The following IQSEC1 variants were observed in gnomAD, a reference collection of about 807,000 sequenced individuals.
IQSEC1 encodes the protein IQ motif and SEC7 domain-containing protein 1.
In IQSEC1, 31 loss-of-function variants were observed where a neutral mutation model predicts 91.0. The observed-to-expected ratio is 0.34, with a 90% CI of 0.26 to 0.46. IQSEC1 has a LOEUF of 0.46. Among genes scored for constraint, IQSEC1 ranks in the 20% least tolerant of loss-of-function variants. The pLI is 1.00. For synonymous variants in IQSEC1, 699 were observed against 662.6 expected, an observed-to-expected ratio of 1.05 and a Z score of -0.84; for missense variants, 1,388 against 1,575.6, an observed-to-expected ratio of 0.88 and a Z score of 2.02.
intron 3 of IQSEC1, among the ~76,000 whole-genome samples, chr3:12,926,552 G>C (rs1697154643): frequency 6.6e-6 from 1 of 152,264 alleles, no homozygotes; most frequent in South Asian, 2.1e-4. Flanking sequence ...TCCATGAGGA[G>C]CCCAGTGTGG....
intron 1 of IQSEC1, among the ~76,000 whole-genome samples, chr3:13,030,492 C>A (rs1185042357): frequency 6.6e-6 from 1 of 152,162 alleles, no homozygotes; most frequent in Non-Finnish European, 1.5e-5. Flanking sequence ...AAAAATTGGA[C>A]CTGAGTCTAA....
intron 1 of IQSEC1, among the ~76,000 whole-genome samples, chr3:13,184,685 C>T (rs1290779893): frequency 1.3e-5 from 2 of 152,344 alleles, no homozygotes; most frequent in Middle Eastern, 3.4e-3. Context: ...ACAGGATTCT[C>T]TCAGTAAACA....
Position 12,908,919 on chromosome 3 carries a change from G to A in IQSEC1, c.2578+354C>T, listed in dbSNP as rs540444335. Among the ~76,000 whole-genome samples the A allele has an allele frequency of 3.9e-5, 6 of 152,260 alleles. No homozygotes were observed. In the South Asian group the frequency reaches 1.0e-3, roughly 26 times the overall value. On this transcript the variant is annotated intron_variant, in intron 11 of 13. Transcript: ENST00000613206. This position sits in a 1 kb window ranked among gnomAD's most constrained non-coding sequence, Gnocchi z 4.9. The stretch of plus-strand genomic sequence containing the variant: ...GCCAGGGAGTAGACCTGGAGCCAGG[G>A]ATGGCCTTGGCTGTGTGACCCATCA...
At chr3:12,927,368 C>T (rs925284915) in intron 3 of IQSEC1, among the ~76,000 whole-genome samples, 2 of 152,184 alleles carry the variant, frequency 1.3e-5, no homozygotes, top group Non-Finnish European at 2.9e-5. Flanking sequence ...CTAGGCTCCC[C>T]GACCCCTGCT....
intron 2 of IQSEC1, among the ~76,000 whole-genome samples, chr3:13,133,459 C>T (rs9310418): frequency 0.021 from 3,171 of 152,256 alleles, 91 homozygotes; most frequent in African/African-American, 0.068. Context: ...TGAGTTTCCA[C>T]GGAAATGTCA....
intron 2 of IQSEC1, among the ~76,000 whole-genome samples, chr3:13,080,306 A>G (rs1182625094): frequency 6.6e-6 from 1 of 152,002 alleles, no homozygotes; most frequent in Non-Finnish European, 1.5e-5. Context: ...GAGAGTGGGG[A>G]TGCAGAGAAC....
intron 1 of IQSEC1, among the ~76,000 whole-genome samples, chr3:13,229,080 G>A (rs1694803133): frequency 6.6e-6 from 1 of 152,112 alleles, no homozygotes; most frequent in South Asian, 2.1e-4. Context: ...GGCACCACTG[G>A]CATACACACA....
intron 1 of IQSEC1, among the ~76,000 whole-genome samples, chr3:13,180,854 C>A (rs999716666): frequency 1.3e-5 from 2 of 152,130 alleles, no homozygotes; most frequent in African/African-American, 4.8e-5. Flanking sequence ...CGAACACATT[C>A]GAACATCAGA....
At chr3:13,115,710 A>C (rs1353752605) in intron 2 of IQSEC1, among the ~76,000 whole-genome samples, 2 of 152,348 alleles carry the variant, frequency 1.3e-5, no homozygotes, top group African/African-American at 4.8e-5. Flanking sequence ...GGGCGCCTGA[A>C]GTGGGCACTC....
chr3:13,260,050 C>G (rs1301621612), intron 1 of IQSEC1, among the ~76,000 whole-genome samples: 5 of 152,232 alleles, frequency 3.3e-5, no homozygotes, highest in Non-Finnish European at 7.3e-5. Context: ...AGCTGGATCT[C>G]AGGAAGCAGC....
chr3:13,010,107 C>T (rs1046564429), intron 1 of IQSEC1, among the ~76,000 whole-genome samples: 6 of 152,156 alleles, frequency 3.9e-5, no homozygotes, highest in Admixed American at 2.6e-4. Context: ...GGGGCTGACC[C>T]GAAGGGATGA....
At position 12,947,366 on chromosome 3, in the gene IQSEC1, T is replaced by C. The variant is rs1699250974; in HGVS notation, c.24-5501A>G. 3.9e-5 allele frequency among the ~76,000 whole-genome samples: 6 copies of C among 152,144 alleles called. No individual in the cohort carries two copies. The South Asian group carries it at 1.2e-3, about 32-fold the overall frequency. ...GACTCCAATCCTGGCTGGAAGCCTC[T>C]ATCCCAGGGCCATATGACCTGTCTG... On this transcript the variant is annotated intron_variant, in intron 1 of 13. Coordinates refer to ENST00000613206, the MANE Select transcript of IQSEC1 (RefSeq NM_001134382.3).
chr3:12,924,566 C>T lies in IQSEC1; in HGVS notation c.1730+15G>A, dbSNP rs766932964. ...TGTGGAATCAGGTCCCCCACCACCC[C>T]CATGCAGAACTTACTCGAGCACGTC... On this transcript the variant is annotated intron_variant, in intron 4 of 13. Transcript: ENST00000613206. The surrounding 1 kb of genome is among the most constrained non-coding windows in gnomAD (Gnocchi z 6.3). 3.2e-6 allele frequency: 5 copies of T among 1,572,548 alleles called. No individual in the cohort carries two copies. In the South Asian group the frequency reaches 5.8e-5, roughly 18 times the overall value.
At chr3:13,112,797 G>A (rs1427486836) in intron 2 of IQSEC1, among the ~76,000 whole-genome samples, 1 of 152,224 alleles carries the variant, frequency 6.6e-6, no homozygotes, top group African/African-American at 2.4e-5. Context: ...GGGCCCAGGT[G>A]ACACACGGAG....
chr3:13,051,003 A>G (rs945897334), intron 1 of IQSEC1, among the ~76,000 whole-genome samples: 1 of 152,212 alleles, frequency 6.6e-6, no homozygotes, highest in Non-Finnish European at 1.5e-5. Context: ...ACTGGGGCTC[A>G]GAGAGGTGCA....
chr3:13,097,994 G>A (rs960905830), intron 2 of IQSEC1, among the ~76,000 whole-genome samples: 2 of 152,240 alleles, frequency 1.3e-5, no homozygotes, highest in African/African-American at 2.4e-5. Context: ...GCATGTGAGG[G>A]CTTCTGAAGG....
chr3:12,924,582 C>A lies in IQSEC1; in HGVS notation c.1729G>T (p.Asp577Tyr). 1 of 1,593,984 alleles carries A rather than the reference C, an allele frequency of 6.3e-7. No homozygotes were observed. Reference sequence around the variant, plus strand: ...CCACCACCCCCATGCAGAACTTACTCGAGCACGTCACGGTTGAACTGCTTC... The same window carrying A: ...CCACCACCCCCATGCAGAACTTACTAGAGCACGTCACGGTTGAACTGCTTC... ...RQKQFNRDVL[D>Y]CVVDEMDFST... is the part of the protein sequence containing the mutation. The change falls in exon 4 of 14, where the codon GAC becomes TAC. Residue 577 changes from aspartate to tyrosine, a missense_variant and splice_region_variant. By Grantham distance (160) the Asp-to-Tyr change is radical. Around this residue, in one of 2 missense-constraint regions of IQSEC1, gnomAD observed 1,059 missense variants for 1,317.8 expected, o/e 0.80. Coordinates refer to ENST00000613206, the MANE Select transcript of IQSEC1 (RefSeq NM_001134382.3). This position sits in a 1 kb window ranked among gnomAD's most constrained non-coding sequence, Gnocchi z 6.3.
intron 1 of IQSEC1, among the ~76,000 whole-genome samples, chr3:13,221,343 T>C (rs1012038520): frequency 1.3e-5 from 2 of 152,172 alleles, no homozygotes; most frequent in Non-Finnish European, 2.9e-5. Context: ...AGGGTGACAC[T>C]GTTCCTCCAA....
At chr3:13,130,532 A>G (rs1157562168) in intron 2 of IQSEC1, among the ~76,000 whole-genome samples, 1 of 152,172 alleles carries the variant, frequency 6.6e-6, no homozygotes, top group Non-Finnish European at 1.5e-5. Context: ...AGAAGAATGT[A>G]TGTTGCTCTT....
Sources: gnomAD v4.1 joint callset for allele counts (sites outside exome capture counted in the v4.1 genomes callset) on GRCh38, gnomAD v4.1.1 for gene constraint, gnomAD v4.1.1 regional missense constraint, Gnocchi (gnomAD v3.1) non-coding constraint, MANE v1.5 for transcripts, NCBI Gene and HGNC (gene_info 2026-07-23, HGNC 2026-07-21) for gene names.